GIGYF1: variants seen among roughly 807,000 people sequenced by gnomAD.
GIGYF1 encodes GRB10 interacting GYF protein 1, also known as GRB10-interacting GYF protein 1.
Under a neutral mutation model 147.1 loss-of-function variants are expected in GIGYF1, and 84 were observed. The observed-to-expected ratio is 0.57, with a 90% CI of 0.48 to 0.68. The LOEUF (loss-of-function observed/expected upper bound fraction) is 0.68. Among genes scored for constraint, GIGYF1 ranks in the 30% least tolerant of loss-of-function variants. The pLI, the probability that GIGYF1 is intolerant of heterozygous loss-of-function variation, is 0.00. For synonymous variants in GIGYF1, 752 were observed against 589.5 expected, an observed-to-expected ratio of 1.28 and a Z score of -3.99; for missense variants, 1,485 against 1,393.7, an observed-to-expected ratio of 1.07 and a Z score of -1.04.
chr7:100,683,427 T>C lies in GIGYF1; in HGVS notation c.2070A>G (p.Glu690=), dbSNP rs200236321. The C allele has an allele frequency of 2.3e-4, 376 of 1,613,944 alleles. No homozygotes were observed. Among genetic ancestry groups the C allele is most frequent in the Non-Finnish European group, 3.1e-4 (362 of 1,180,028 alleles). Residue 690 remains glutamate, a synonymous_variant, in exon 21 of 27, where the codon GAA becomes GAG. Coordinates refer to ENST00000678049, the MANE Select transcript of GIGYF1 (RefSeq NM_001375765.1). ...QLQHKFQERR[E]VELRAKREEE... is the part of the protein sequence containing the mutation. ...CCTCCCGCTTCGCCCTGAGCTCCAC[T>C]TCTCTGCGCTCCTGGAACTGAGACC...
chr7:100,687,622 G>A lies in GIGYF1; in HGVS notation c.262-6C>T. 2.5e-6 allele frequency: 4 copies of A among 1,606,836 alleles called. No individual in the cohort carries two copies. Among genetic ancestry groups the A allele is most frequent in the Non-Finnish European group, 3.4e-6 (4 of 1,176,998 alleles). The stretch of plus-strand genomic sequence containing the variant: ...ACTGACAGGGAGAAGTTTCTCTGAG[G>A]AGGGAGCCAGGGGCGGGAGTGAGGA... On this transcript the variant is annotated splice_region_variant and splice_polypyrimidine_tract_variant and intron_variant, in intron 6 of 26. Transcript: ENST00000678049.
rs1408768914 is a variant in GIGYF1 at position 100,684,082 on chromosome 7, T to C, written c.1806A>G (p.Pro602=). Reference sequence around the variant, plus strand: ...CCGTGAGCTGCTGCTGCTGCTGCTGTGGCGGCGGCGGTGGTGGCGGTGTCA... The same window carrying C: ...CCGTGAGCTGCTGCTGCTGCTGCTGCGGCGGCGGCGGTGGTGGCGGTGTCA... ...GDLTPPPPPP[P]QQQQQQLTAF... The change falls in exon 18 of 27, where the codon CCA becomes CCG. Residue 602 remains proline, a synonymous_variant. Transcript: ENST00000678049. 12 of 1,606,042 alleles carry C rather than the reference T, an allele frequency of 7.5e-6. No homozygotes were observed. The highest frequency in any genetic ancestry group is 1.6e-4 in the Middle Eastern group (1 of 6,074).
rs568407340 is a variant in GIGYF1, at chr7:100,679,830, C to G, written c.*1889G>C. On this transcript the variant is annotated 3_prime_UTR_variant, in exon 27 of 27. Transcript: ENST00000678049. ...CTATACTTCCTCACAGGGTTAAGGCCTCTCCAGGCTCATGGGCCCCCTAAG... is the reference window on the plus strand; with the variant it reads ...CTATACTTCCTCACAGGGTTAAGGCGTCTCCAGGCTCATGGGCCCCCTAAG... 6.6e-6 allele frequency: 1 copy of G among 152,622 alleles called. No homozygotes were observed. The highest frequency in any genetic ancestry group is 2.1e-4 in the South Asian group (1 of 4,826). 9.5% of individuals were successfully genotyped at this position (152,622 alleles called of 1,614,324 possible).
rs1249905623 is a variant in GIGYF1, at chr7:100,683,803, A to C, written c.1969+15T>G. The C allele has an allele frequency of 1.3e-6, 2 of 1,577,110 alleles. No individual in the cohort carries two copies. The highest frequency in any genetic ancestry group is 1.1e-5 in the South Asian group (1 of 88,254). ...GGAGACTGCCTTGGGGGTGGGGACC[A>C]GTCAGGCCACACACCTGACTGTGAT... On this transcript the variant is annotated intron_variant, in intron 19 of 26. Coordinates refer to ENST00000678049, the MANE Select transcript of GIGYF1 (RefSeq NM_001375765.1).
chr7:100,686,959 C>G, intron 9 of GIGYF1, 47 bp downstream of exon 9: 9 of 1,611,690 alleles, frequency 5.6e-6, no homozygotes, highest in Non-Finnish European at 7.6e-6. Flanking sequence ...GGCCACCCAT[C>G]TTGGTCCTCC....
rs1805387321 is a variant in GIGYF1, at chr7:100,686,777, T to C, written c.566A>G (p.Glu189Gly). ...GTTCTCGCTGTCTGAGCGGGCGTGCTCCTTCCTTGGGCCAGCCCCTCCCTC... is the reference window on the plus strand; with the variant it reads ...GTTCTCGCTGTCTGAGCGGGCGTGCCCCTTCCTTGGGCCAGCCCCTCCCTC... ...FEEGGAGPRK[E>G]HARSDSENWR... Residue 189 changes from glutamate (E) to glycine (G), a missense_variant, in exon 10 of 27, where the codon GAG becomes GGG. Coordinates refer to ENST00000678049, the MANE Select transcript of GIGYF1 (RefSeq NM_001375765.1). 1 of 1,613,870 alleles carries C rather than the reference T, an allele frequency of 6.2e-7. No individual in the cohort carries two copies. The highest frequency in any genetic ancestry group is 1.3e-5 in the African/African-American group (1 of 74,904).
intron 1 of GIGYF1, among the ~76,000 whole-genome samples, 160 bp from the exon 2 acceptor site, chr7:100,689,715 TC>T (rs1805675840): frequency 6.6e-6 from 1 of 152,078 alleles, no homozygotes; most frequent in Non-Finnish European, 1.5e-5. Flanking sequence ...CAGGCTGGCC[TC>T]CCCTGGGACC....
chr7:100,682,524 G>C, intron 23 of GIGYF1, 42 bp from the exon 24 acceptor site: 1 of 1,600,718 alleles, frequency 6.2e-7, no homozygotes, highest in Non-Finnish European at 8.5e-7. Flanking sequence ...TCAGCTGGCA[G>C]GGGTTGGGGG....
chr7:100,684,349 A>C lies in GIGYF1; in HGVS notation c.1630-12T>G. The C allele has an allele frequency of 6.3e-7, 1 of 1,594,372 alleles. No homozygotes were observed. Among genetic ancestry groups the C allele is most frequent in the Non-Finnish European group, 8.5e-7 (1 of 1,172,004 alleles). ...TGGTCCATGTTTCCCTGCTCAGGTG[A>C]GAGCTCGGCCAGTGCCCCCAGCAGG... is the stretch of plus-strand genomic sequence containing the variant. On this transcript the variant is annotated splice_polypyrimidine_tract_variant and intron_variant, in intron 16 of 26. Transcript: ENST00000678049.
intron 20 of GIGYF1, 31 bp from the exon 21 acceptor site, chr7:100,683,475 C>G (rs1174538896): frequency 3.1e-6 from 5 of 1,614,044 alleles, no homozygotes; most frequent in African/African-American, 1.3e-5. Flanking sequence ...GAGGGGAGAG[C>G]TGCAGGGGAC....
At chr7:100,693,491 G>A (rs1032004042) in intron 1 of GIGYF1, among the ~76,000 whole-genome samples, 10 of 152,162 alleles carry the variant, frequency 6.6e-5, no homozygotes, top group Non-Finnish European at 1.0e-4. Context: ...CGGAGCGAAA[G>A]GAAACAGAGG....
In GIGYF1 at chr7:100,684,836, G is replaced by A. The variant is rs760730048; in HGVS notation, c.1349C>T (p.Thr450Met). The A allele has an allele frequency of 4.4e-6, 7 of 1,606,922 alleles. No individual in the cohort carries two copies. The highest frequency in any genetic ancestry group is 1.1e-5 in the South Asian group (1 of 90,484). ...QDSSLEEEQFTAAMQTQGLRH... is the reference protein window; with the variant it reads ...QDSSLEEEQFMAAMQTQGLRH... ...CAGGCCCTGGGTCTGCATGGCAGCCGTGAACTGCTCCTCCTCCAAGGAGCT... is the reference window on the plus strand; with the variant it reads ...CAGGCCCTGGGTCTGCATGGCAGCCATGAACTGCTCCTCCTCCAAGGAGCT... Residue 450 changes from threonine to methionine, a missense_variant, in exon 15 of 27, where the codon ACG (threonine) becomes ATG (methionine). Coordinates refer to ENST00000678049, the MANE Select transcript of GIGYF1 (RefSeq NM_001375765.1).
Position 100,687,298 on chromosome 7 carries a change from C to G in GIGYF1, c.482G>C (p.Arg161Thr). ...EIQRSQSWDD[R>T]GERRFEKSAR... ...GCGCCATGCCCCCTCCCCGCCCCAC[C>G]TGTCATCCCAGCTCTGGCTGCGCTG... Residue 161 changes from arginine to threonine, a missense_variant and splice_region_variant, in exon 8 of 27, where the codon AGA (arginine) becomes ACA (threonine). Arg to Thr is a moderately conservative substitution (Grantham distance 71). Coordinates refer to ENST00000678049, the MANE Select transcript of GIGYF1 (RefSeq NM_001375765.1). 1 of 1,612,232 alleles carries G rather than the reference C, an allele frequency of 6.2e-7. No homozygotes were observed. The highest frequency in any genetic ancestry group is 2.2e-5 in the East Asian group (1 of 44,838).
chr7:100,689,870 C>A (rs1054221488), intron 1 of GIGYF1, among the ~76,000 whole-genome samples: 116 of 152,254 alleles, frequency 7.6e-4, no homozygotes, highest in African/African-American at 2.4e-3. Flanking sequence ...CTAAGAGAAA[C>A]ACACCAGCCA....
chr7:100,679,519 A>C lies in GIGYF1; in HGVS notation c.*2200T>G, dbSNP rs1408337391. 6.5e-6 allele frequency: 1 copy of C among 152,874 alleles called. No individual in the cohort carries two copies. The highest frequency in any genetic ancestry group is 1.5e-5 in the Non-Finnish European group (1 of 68,278). 9.5% of individuals were successfully genotyped at this position (152,874 alleles called of 1,614,324 possible). ...GTGGAGGCGGAACGGGAGAACACAC[A>C]CCAAGTTTTATTGGGAGAAGGGAGT... On this transcript the variant is annotated 3_prime_UTR_variant, in exon 27 of 27. Transcript: ENST00000678049.
rs145687446 is a variant in GIGYF1, at chr7:100,681,975, C to T, written c.2944G>A (p.Ala982Thr). 8.1e-6 allele frequency: 13 copies of T among 1,608,702 alleles called. No individual in the cohort carries two copies. Among genetic ancestry groups the T allele is most frequent in the Middle Eastern group, 1.7e-4 (1 of 6,034 alleles). Residue 982 changes from alanine to threonine, a missense_variant, in exon 26 of 27, where the codon GCC (alanine) becomes ACC (threonine). Coordinates refer to ENST00000678049, the MANE Select transcript of GIGYF1 (RefSeq NM_001375765.1). ...QQQQEAWLSS[A>T]SLQTAFQANH... ...GCCTGGAAGGCCGTCTGCAGCGAGG[C>T]GCTGCTCAGCCATGCCTCCTAAGGC...
intron 8 of GIGYF1, 62 bp downstream of exon 8, chr7:100,687,236 A>G: frequency 6.6e-7 from 1 of 1,522,882 alleles, no homozygotes; most frequent in Non-Finnish European, 9.1e-7. Context: ...CTCTAGCGAC[A>G]GGGCCCAGGC....
In GIGYF1 at chr7:100,688,816, G is replaced by A. The variant is rs1028438535; in HGVS notation, c.-359C>T. On this transcript the variant is annotated 5_prime_UTR_variant, in exon 2 of 27. Coordinates refer to ENST00000678049, the MANE Select transcript of GIGYF1 (RefSeq NM_001375765.1). The stretch of plus-strand genomic sequence containing the variant: ...GACAGGAGAGGTCCATTCGCCGGAT[G>A]GTGTCTCTGGGCATCAGCACCCTCG... The A allele has an allele frequency of 2.4e-5, 5 of 206,520 alleles. No homozygotes were observed. Among genetic ancestry groups the A allele is most frequent in the Admixed American group, 2.2e-4 (4 of 18,404 alleles). The allele number at this position is 206,520 out of a possible 1,614,324, so 12.8% of individuals were successfully genotyped here.
Position 100,683,568 on chromosome 7 carries a change from T to C in GIGYF1, c.2034A>G (p.Gln678=), listed in dbSNP as rs764764287. The C allele has an allele frequency of 6.2e-7, 1 of 1,614,016 alleles. No individual in the cohort carries two copies. The highest frequency in any genetic ancestry group is 1.1e-5 in the South Asian group (1 of 91,066). The change falls in exon 20 of 27, where the codon CAA becomes CAG. Residue 678 remains glutamine, a synonymous_variant. Transcript: ENST00000678049. ...CACTCACTTTATGTTGCAGCTGGAG[T>C]TGTTCTAGAATTGGACCCTGAGTCG... ...NSSTQGPILE[Q]LQLQHKFQER...
Sources: gnomAD v4.1 joint callset for allele counts (sites outside exome capture counted in the v4.1 genomes callset) on GRCh38, gnomAD v4.1.1 for gene constraint, MANE v1.5 for transcripts, NCBI Gene and HGNC (gene_info 2026-07-23, HGNC 2026-07-21) for gene names.